The following F7 variants were observed in gnomAD, a reference collection of about 807,000 sequenced individuals.
The protein encoded by F7 is FVII coagulation protein.
In F7, 38 loss-of-function variants were observed where a neutral mutation model predicts 47.5. The observed-to-expected ratio is 0.80, with a 90% confidence interval of 0.62 to 1.05. F7 has a LOEUF of 1.05. Ranked by LOEUF, F7 falls within the 50% of genes least tolerant of loss-of-function variation. The pLI is 0.00. For synonymous variants in F7, 244 were observed against 258.5 expected, an observed-to-expected ratio of 0.94 and a Z score of 0.54; for missense variants, 575 against 605.4, an observed-to-expected ratio of 0.95 and a Z score of 0.53.
rs1451853647 is a variant in F7, at chr13:113,116,837, G to C, written c.577G>C (p.Gly193Arg). 6.2e-7 allele frequency: 1 copy of C among 1,613,818 alleles called. No individual in the cohort carries two copies. Among genetic ancestry groups the C allele is most frequent in the South Asian group, 1.1e-5 (1 of 91,090 alleles). The change falls in exon 6 of 8, where the codon GGG becomes CGG. Residue 193 changes from glycine (G) to arginine (R), a missense_variant. Gly to Arg is a moderately radical substitution (Grantham distance 125). Transcript: ENST00000346342. ...NASKPQGRIV[G>R]GKVCPKGECP... ...CAGCAAACCCCAAGGCCGAATTGTG[G>C]GGGGCAAGGTGTGCCCCAAAGGGGA... is the stretch of plus-strand genomic sequence containing the variant.
rs752124023 is a variant in F7 at position 113,118,891 on chromosome 13, C to T, written c.1218C>T (p.Cys406=). 74 of 1,612,332 alleles carry T rather than the reference C, an allele frequency of 4.6e-5. No individual in the cohort carries two copies. The highest frequency in any genetic ancestry group is 6.1e-5 in the Non-Finnish European group (72 of 1,179,806). ...GCATCGTCAGCTGGGGCCAGGGCTGCGCAACCGTGGGCCACTTTGGGGTGT... is the reference window on the plus strand; with the variant it reads ...GCATCGTCAGCTGGGGCCAGGGCTGTGCAACCGTGGGCCACTTTGGGGTGT... ...LTGIVSWGQG[C]ATVGHFGVYT... is the part of the protein sequence containing the mutation. Residue 406 remains cysteine, a synonymous_variant, in exon 8 of 8, where the codon TGC becomes TGT. Coordinates refer to ENST00000346342, the MANE Select transcript of F7 (RefSeq NM_019616.4).
intron 4 of F7, chr13:113,114,539 T>C (rs991662905): frequency 6.0e-6 from 1 of 167,076 alleles, no homozygotes; most frequent in Non-Finnish European, 1.3e-5. Flanking sequence ...TGTGGGGTCA[T>C]GTGGACAGTC....
rs6044 is a variant in F7, at chr13:113,118,777, C to T, written c.1104C>T (p.Ala368=). Residue 368 remains alanine (A), a synonymous_variant, in exon 8 of 8, where the codon GCC becomes GCT. Transcript: ENST00000346342. ...ATATCACGGAGTACATGTTCTGTGC[C>T]GGCTACTCGGATGGCAGCAAGGACT... The part of the protein sequence containing the change: ...SPNITEYMFC[A]GYSDGSKDSC... 4.5e-4 allele frequency: 731 copies of T among 1,613,136 alleles called. 4 individuals are homozygous for T. In the African/African-American group the frequency reaches 7.5e-3, roughly 17 times the overall value.
Position 113,105,887 on chromosome 13 carries a change from C to T in F7, c.46C>T (p.Gln16Ter). The change falls in exon 1 of 8, where the codon CAG becomes TAG. Residue 16 changes from glutamine (Q) to a stop codon, truncating the protein, a stop_gained. Transcript: ENST00000346342. LOFTEE classifies it high-confidence loss of function. ...GCTCCTCTGCCTTCTGCTTGGGCTT[C>T]AGGGCTGCCTGGCTGCAGGTGCGTC... ...LRLLCLLLGLQGCLAAVFVTQ... is the reference protein window; with the variant it reads ...LRLLCLLLGL The T allele has an allele frequency of 6.3e-6, 10 of 1,590,720 alleles. No homozygotes were observed. The highest frequency in any genetic ancestry group is 8.6e-6 in the Non-Finnish European group (10 of 1,169,098).
At position 113,113,059 on chromosome 13, in the gene F7, TCA is replaced by T. The variant is rs1187797200; in HGVS notation, c.226-690_226-689del. The stretch of plus-strand genomic sequence containing the variant: ...AGGTCACCTTACACTCATCTCACAC[TCA>T]CAGGTCGCCACACCTCACACTCACA... On this transcript the variant is annotated intron_variant, in intron 2 of 7. Coordinates refer to ENST00000346342, the MANE Select transcript of F7 (RefSeq NM_019616.4). This position sits in a 1 kb window ranked among gnomAD's most constrained non-coding sequence, Gnocchi z 4.1. Among the ~76,000 whole-genome samples, 1 of 150,610 alleles carries T rather than the reference TCA, an allele frequency of 6.6e-6. No homozygotes were observed. The highest frequency in any genetic ancestry group is 2.5e-5 in the African/African-American group (1 of 40,714).
At chr13:113,109,279 G>A (rs1595070568) in intron 1 of F7, among the ~76,000 whole-genome samples, 1 of 149,536 alleles carries the variant, frequency 6.7e-6, no homozygotes, top group African/African-American at 2.5e-5. Context: ...GTGGGTGTCG[G>A]GGACTGCAGG....
rs1566906827 is a variant in F7 at position 113,110,851 on chromosome 13, G to C, written c.225+1G>C. On this transcript the variant is annotated splice_donor_variant, in intron 2 of 7. Transcript: ENST00000346342. LOFTEE classifies it high-confidence loss of function. ...GATCTTCAAGGACGCGGAGAGGACG[G>C]TGAGCCCAGCCTCGGGGCGCCCCGC... 2 of 1,558,366 alleles carry C rather than the reference G, an allele frequency of 1.3e-6. No individual in the cohort carries two copies. Among genetic ancestry groups the C allele is most frequent in the South Asian group, 1.2e-5 (1 of 84,590 alleles).
At chr13:113,117,774 G>A (rs1382086474) in intron 7 of F7, among the ~76,000 whole-genome samples, 178 bp downstream of exon 7, 2 of 151,958 alleles carry the variant, frequency 1.3e-5, no homozygotes, top group Non-Finnish European at 1.5e-5. Context: ...GTCCGACCGC[G>A]GTGCTGGGTG....
At chr13:113,110,964 C>T (rs1487875263) in intron 2 of F7, 114 bp downstream of exon 2, 2 of 1,241,572 alleles carry the variant, frequency 1.6e-6, no homozygotes, top group Non-Finnish European at 2.1e-6. Flanking sequence ...GAACACGCAG[C>T]GGCGCCCGCG....
chr13:113,108,820 G>A (rs1195019068), intron 1 of F7, among the ~76,000 whole-genome samples: 11 of 74,644 alleles, frequency 1.5e-4, no homozygotes, highest in African/African-American at 2.9e-4. Context: ...TGGGTGTCCC[G>A]GGAGTGTGGG....
rs980880294 is a variant in F7 at position 113,110,627 on chromosome 13, G to A, written c.65-63G>A. The stretch of plus-strand genomic sequence containing the variant: ...GATGCCCCCGCCGCGTGGGCCGTGG[G>A]GCGGTCTCCGAGGCACTGGGCGGGG... On this transcript the variant is annotated intron_variant, in intron 1 of 7. Transcript: ENST00000346342. 3.9e-6 allele frequency: 6 copies of A among 1,541,006 alleles called. No individual in the cohort carries two copies. The African/African-American group carries it at 6.9e-5, about 18-fold the overall frequency.
chr13:113,110,817 G>A lies in F7; in HGVS notation c.192G>A (p.Glu64=), dbSNP rs538847246. 1.3e-6 allele frequency: 2 copies of A among 1,559,902 alleles called. No homozygotes were observed. The highest frequency in any genetic ancestry group is 1.7e-6 in the Non-Finnish European group (2 of 1,152,656). Residue 64 remains glutamate, a synonymous_variant, in exon 2 of 8, where the codon GAG becomes GAA. Coordinates refer to ENST00000346342, the MANE Select transcript of F7 (RefSeq NM_019616.4). ...AGGAGGAGCAGTGCTCCTTCGAGGA[G>A]GCCCGGGAGATCTTCAAGGACGCGG... is the stretch of plus-strand genomic sequence containing the variant. ...ECKEEQCSFE[E]AREIFKDAER... is the part of the protein sequence containing the mutation.
intron 1 of F7, among the ~76,000 whole-genome samples, chr13:113,107,438 C>T (rs1451061013): frequency 1.2e-4 from 1 of 8,442 alleles, no homozygotes; most frequent in African/African-American, 6.1e-4. Flanking sequence ...GTGTGGGTGT[C>T]CCGGAGGCGA....
intron 1 of F7, among the ~76,000 whole-genome samples, chr13:113,108,306 T>C (rs867554262): frequency 4.1e-5 from 3 of 73,720 alleles, no homozygotes; most frequent in African/African-American, 4.9e-5. Flanking sequence ...GTGTGGGTGT[T>C]CCGGAGGCGA....
intron 1 of F7, chr13:113,106,838 G>T: frequency 5.0e-6 from 8 of 1,595,172 alleles, no homozygotes; most frequent in Non-Finnish European, 6.8e-6. Flanking sequence ...CCACCTTCCT[G>T]CCCCAGGCGG....
chr13:113,110,543 C>A, intron 1 of F7, 147 bp from the exon 2 acceptor site: 1 of 1,083,766 alleles, frequency 9.2e-7, no homozygotes, highest in African/African-American at 1.6e-5. Flanking sequence ...GCAGGGAGGA[C>A]ACCCAGCCAG....
At chr13:113,114,935 A>G (rs180944352) in intron 4 of F7, 1 of 154,764 alleles carries the variant, frequency 6.5e-6, no homozygotes, top group Non-Finnish European at 1.4e-5. Context: ...TCTCCTGTGC[A>G]GCAGCCATTT....
At chr13:113,114,328 GT>G (rs1206794862) in intron 4 of F7, among the ~76,000 whole-genome samples, 7 of 143,912 alleles carry the variant, frequency 4.9e-5, no homozygotes, top group East Asian at 2.1e-4. Context: ...GGTTTGAGGG[GT>G]TTGTTTTTTT....
chr13:113,116,573 C>T (rs2036195435), intron 5 of F7, among the ~76,000 whole-genome samples, 193 bp from the exon 6 acceptor site: 1 of 152,256 alleles, frequency 6.6e-6, no homozygotes, highest in African/African-American at 2.4e-5. Flanking sequence ...CCTCTCATGG[C>T]CGGGCCCCAC....
Sources: allele counts gnomAD v4.1 joint callset (sites outside exome capture counted in the v4.1 genomes callset), GRCh38; gene constraint gnomAD v4.1.1; non-coding constraint Gnocchi (gnomAD v3.1); transcripts MANE v1.5; gene names NCBI Gene and HGNC (gene_info 2026-07-23, HGNC 2026-07-21).